Variants in CRPPA observed in about 807,000 individuals in gnomAD.
The protein encoded by CRPPA is CDP-L-ribitol pyrophosphorylase A.
In CRPPA, 43 loss-of-function variants were observed where a neutral mutation model predicts 52.0. The observed-to-expected ratio is 0.83, with a 90% CI of 0.65 to 1.07. The LOEUF (loss-of-function observed/expected upper bound fraction) is 1.07. Ranked by LOEUF, CRPPA falls within the 50% of genes least tolerant of loss-of-function variation. The probability of loss-of-function intolerance (pLI) is 0.00; values close to 1 mark genes in which losing one functional copy is unlikely to be tolerated. For synonymous variants in CRPPA, 250 were observed against 203.5 expected (o/e 1.23, Z -1.94); for missense variants, 629 against 551.7 (o/e 1.14, Z -1.40).
chr7:16,291,904 C>G (rs1240374348), intron 5 of CRPPA, among the ~76,000 whole-genome samples: 1 of 151,840 alleles, frequency 6.6e-6, no homozygotes, highest in Non-Finnish European at 1.5e-5. Context: ...GCATTATTTT[C>G]TCCTTACTTC....
chr7:16,178,471 GA>G (rs1331762410), intron 9 of CRPPA, among the ~76,000 whole-genome samples: 1 of 152,100 alleles, frequency 6.6e-6, no homozygotes, highest in African/African-American at 2.4e-5. Flanking sequence ...ATTCTTACAT[GA>G]ATTACTGAGA....
chr7:16,108,700 T>A (rs796230471), intron 9 of CRPPA, among the ~76,000 whole-genome samples: 1 of 152,028 alleles, frequency 6.6e-6, no homozygotes, highest in African/African-American at 2.4e-5. Context: ...AGATCTCACA[T>A]GTTAGAGCAC....
intron 4 of CRPPA, among the ~76,000 whole-genome samples, chr7:16,303,637 T>C (rs1290329543): frequency 6.6e-6 from 1 of 152,084 alleles, no homozygotes; most frequent in African/African-American, 2.4e-5. Flanking sequence ...TAGGTATAGA[T>C]TTTTCAGAAC....
chr7:16,413,665 T>C (rs1437476376), intron 1 of CRPPA, among the ~76,000 whole-genome samples: 1 of 152,214 alleles, frequency 6.6e-6, no homozygotes, highest in Non-Finnish European at 1.5e-5. Context: ...TGCTGTGGTT[T>C]TCCAAAATCT....
At chr7:16,209,220 T>C in intron 9 of CRPPA, 1 of 306,552 alleles carries the variant, frequency 3.3e-6, no homozygotes, top group South Asian at 2.9e-5. Context: ...GCAAGCATTT[T>C]GAACTGGAAG....
At chr7:16,107,170 T>C (rs756565652) in intron 9 of CRPPA, among the ~76,000 whole-genome samples, 5 of 151,472 alleles carry the variant, frequency 3.3e-5, no homozygotes, top group African/African-American at 4.9e-5. Context: ...GCAGACGGAA[T>C]AGAAAGCAGA....
chr7:16,277,030 G>C (rs1295129), intron 6 of CRPPA: 101,123 of 152,004 alleles, frequency 0.67, 35,236 homozygotes, highest in African/African-American at 0.88. Context: ...TAGTTCAAAT[G>C]CATTGAAAAC....
intron 9 of CRPPA, among the ~76,000 whole-genome samples, chr7:16,128,748 T>C (rs1026174644): frequency 3.3e-5 from 5 of 152,030 alleles, no homozygotes; most frequent in Non-Finnish European, 7.4e-5. Flanking sequence ...AATTCTGTAA[T>C]GGACAAAGTT....
chr7:16,395,194 T>G (rs1257433479), intron 2 of CRPPA, among the ~76,000 whole-genome samples: 1 of 152,194 alleles, frequency 6.6e-6, no homozygotes, highest in Non-Finnish European at 1.5e-5. Flanking sequence ...CCTCAGTGAT[T>G]ACTTGTCTCT....
intron 9 of CRPPA, among the ~76,000 whole-genome samples, chr7:16,131,302 A>G (rs1782676471): frequency 6.6e-6 from 1 of 152,222 alleles, no homozygotes; most frequent in South Asian, 2.1e-4. Context: ...GAGGAAAGCT[A>G]TAGAGAAAGC....
chr7:16,399,272 C>T (rs780622794), intron 2 of CRPPA, among the ~76,000 whole-genome samples: 4 of 152,092 alleles, frequency 2.6e-5, no homozygotes, highest in Non-Finnish European at 4.4e-5. Context: ...GTGACTGACA[C>T]GATACACATA....
chr7:16,264,020 AAT>A (rs1783888815), intron 6 of CRPPA, among the ~76,000 whole-genome samples: 1 of 152,120 alleles, frequency 6.6e-6, no homozygotes, highest in South Asian at 2.1e-4. Context: ...TGAGACTCTT[AAT>A]AATTGTTTCC....
intron 8 of CRPPA, among the ~76,000 whole-genome samples, chr7:16,246,072 A>G (rs1481532014): frequency 6.6e-6 from 1 of 152,080 alleles, no homozygotes; most frequent in Non-Finnish European, 1.5e-5. Context: ...GTAGAATGGG[A>G]TACTGTTTGA....
intron 9 of CRPPA, among the ~76,000 whole-genome samples, chr7:16,092,169 A>C (rs1365628455): frequency 1.3e-5 from 2 of 152,282 alleles, no homozygotes; most frequent in East Asian, 1.9e-4. Context: ...AGTGTTCTCC[A>C]ACTTTGTTAT....
At chr7:16,311,796 T>TTGACA (rs1785040130) in intron 3 of CRPPA, among the ~76,000 whole-genome samples, 1 of 152,138 alleles carries the variant, frequency 6.6e-6, no homozygotes, top group South Asian at 2.1e-4. Flanking sequence ...TTGTGACAGG[T>TTGACA]TGAAAGTGTG....
intron 8 of CRPPA, among the ~76,000 whole-genome samples, chr7:16,217,361 G>C: frequency 6.6e-6 from 1 of 151,992 alleles, no homozygotes; most frequent in Non-Finnish European, 1.5e-5. Context: ...CAGAAAAACT[G>C]GAAACTCTAA....
chr7:16,372,009 G>A (rs2128311296), intron 3 of CRPPA, among the ~76,000 whole-genome samples: 1 of 150,884 alleles, frequency 6.6e-6, no homozygotes, highest in South Asian at 2.1e-4. Context: ...ATCAGACGAA[G>A]TAAAAAAAAA....
At chr7:16,238,323 T>A (rs771982216) in intron 8 of CRPPA, among the ~76,000 whole-genome samples, 3 of 152,184 alleles carry the variant, frequency 2.0e-5, no homozygotes, top group Non-Finnish European at 4.4e-5. Flanking sequence ...TATTAAGTAA[T>A]CTATTAGGTA....
At chr7:16,209,271 G>GTTTTTTTTTTTTTTTTTTT (rs1316167969) in intron 9 of CRPPA, 9 of 137,802 alleles carry the variant, frequency 6.5e-5, no homozygotes, top group Non-Finnish European at 1.2e-4. Flanking sequence ...GGTTCTAAGT[G>GTTTTTTTTTTTTTTTTTTT]TCTTTTTTTT....
Sources: allele counts gnomAD v4.1 joint callset (sites outside exome capture counted in the v4.1 genomes callset), GRCh38; gene constraint gnomAD v4.1.1; transcripts MANE v1.5; gene names NCBI Gene and HGNC (gene_info 2026-07-23, HGNC 2026-07-21).